DIP2C: variants seen among roughly 807,000 people sequenced by gnomAD.
DIP2C encodes the protein disco-interacting protein 2 homolog C.
A neutral mutation model predicts 192.4 loss-of-function variants in DIP2C; 33 were observed. The observed-to-expected ratio is 0.17, with a 90% CI of 0.13 to 0.23. The LOEUF is 0.23. DIP2C is among the 10% of genes least tolerant of loss of function. The pLI is 1.00. For synonymous variants in DIP2C, 979 were observed against 864.1 expected (o/e 1.13, Z -2.33); for missense variants, 1,537 against 2,110.1 (o/e 0.73, Z 5.32).
intron 1 of DIP2C, among the ~76,000 whole-genome samples, chr10:608,754 G>C (rs541313375): frequency 2.6e-4 from 34 of 129,508 alleles, no homozygotes; most frequent in South Asian, 5.5e-4. Flanking sequence ...ATTCGTACTT[G>C]CATTCAATTC....
intron 9 of DIP2C, among the ~76,000 whole-genome samples, chr10:407,470 C>CA (rs1477013780): frequency 9.2e-5 from 14 of 152,212 alleles, no homozygotes; most frequent in African/African-American, 3.4e-4. Flanking sequence ...TGCTGGATCA[C>CA]ACAGTAATTC....
rs75260280 is a variant in DIP2C, at chr10:282,102, G to A, written c.4295-779C>T. ...TCCGAGATCAGACGAGATTGGGCGCGTTCAGGGTGGTATGGCCGTAGACAG... is the reference window on the plus strand; with the variant it reads ...TCCGAGATCAGACGAGATTGGGCGCATTCAGGGTGGTATGGCCGTAGACAG... On this transcript the variant is annotated intron_variant, in intron 35 of 36. Transcript: ENST00000280886. 195 of 159,724 alleles carry A rather than the reference G, an allele frequency of 1.2e-3. 1 individual carries two copies. In the East Asian group the frequency reaches 0.029, roughly 24 times the overall value. The allele number at this position is 159,724 out of a possible 1,614,324, so 9.9% of individuals were successfully genotyped here. A position where few individuals can be genotyped will look rare whatever the true frequency, so the allele number is the denominator to read the frequency against.
chr10:530,651 CTT>C (rs1481076046), intron 1 of DIP2C, among the ~76,000 whole-genome samples: 2 of 60,160 alleles, frequency 3.3e-5, no homozygotes, highest in Admixed American at 2.0e-4. Context: ...GACCCTATCT[CTT>C]AAAAAAAAAA....
intron 1 of DIP2C, among the ~76,000 whole-genome samples, chr10:543,164 C>A (rs552264117): frequency 6.6e-6 from 1 of 152,216 alleles, no homozygotes; most frequent in Non-Finnish European, 1.5e-5. Context: ...CCAGTCTTCG[C>A]AAGGATCGTG....
chr10:434,425 A>C (rs1967009145), intron 4 of DIP2C, among the ~76,000 whole-genome samples: 1 of 152,100 alleles, frequency 6.6e-6, no homozygotes, highest in Non-Finnish European at 1.5e-5. Flanking sequence ...CTGGGACTAC[A>C]GGTGTCAGCC....
At chr10:619,780 G>A (rs1853743149) in intron 1 of DIP2C, among the ~76,000 whole-genome samples, 1 of 152,154 alleles carries the variant, frequency 6.6e-6, no homozygotes, top group Non-Finnish European at 1.5e-5. Context: ...CCAGGGACCG[G>A]CAGGCTGGGC....
intron 1 of DIP2C, among the ~76,000 whole-genome samples, chr10:633,459 C>T (rs1332416287): frequency 2.6e-5 from 4 of 152,076 alleles, no homozygotes; most frequent in Admixed American, 2.6e-4. Context: ...GAGGTGGTGC[C>T]GTAGAGTGGA....
rs148670760 is a variant in DIP2C, at chr10:373,304, C to A, written c.1992-3671G>T. The stretch of plus-strand genomic sequence containing the variant: ...AACATCACAGTCAAAAGGCAAAGTC[C>A]CTGTTTCTGCTCCAATCCTATGCCC... On this transcript the variant is annotated intron_variant, in intron 17 of 36. Coordinates refer to ENST00000280886, the MANE Select transcript of DIP2C (RefSeq NM_014974.3). Among the ~76,000 whole-genome samples, 338 of 152,268 alleles carry A rather than the reference C, an allele frequency of 2.2e-3. 6 individuals carry two copies. Among genetic ancestry groups the A allele is most frequent in the African/African-American group, 7.2e-3 (301 of 41,554 alleles).
At chr10:532,756 T>TGAGAGAGA (rs1491082245) in intron 1 of DIP2C, among the ~76,000 whole-genome samples, 20 of 134,668 alleles carry the variant, frequency 1.5e-4, no homozygotes, top group East Asian at 4.2e-4. Context: ...AGTATGGGTG[T>TGAGAGAGA]GTGAGAGAGT....
intron 1 of DIP2C, among the ~76,000 whole-genome samples, chr10:537,893 G>A (rs139170921): frequency 2.0e-5 from 3 of 151,596 alleles, no homozygotes; most frequent in Non-Finnish European, 2.9e-5. Context: ...AAGTTCAGGC[G>A]ATTCTCCTGC....
chr10:625,178 T>C (rs1002377427), intron 1 of DIP2C, among the ~76,000 whole-genome samples: 1 of 152,156 alleles, frequency 6.6e-6, no homozygotes, highest in South Asian at 2.1e-4. Context: ...TACAAACAGC[T>C]TGAACTCACT....
chr10:618,340 A>G (rs962036353), intron 1 of DIP2C, among the ~76,000 whole-genome samples: 1 of 152,234 alleles, frequency 6.6e-6, no homozygotes, highest in Non-Finnish European at 1.5e-5. Flanking sequence ...AGAGGCAGAC[A>G]TATCTGCTGA....
At chr10:661,288 T>C (rs1034844658) in intron 1 of DIP2C, among the ~76,000 whole-genome samples, 9 of 152,178 alleles carry the variant, frequency 5.9e-5, no homozygotes, top group African/African-American at 2.2e-4. Context: ...GCCTGCCCCC[T>C]TTCTTCCGTG....
intron 1 of DIP2C, among the ~76,000 whole-genome samples, chr10:609,012 T>C (rs1045071523): frequency 6.6e-6 from 1 of 151,964 alleles, no homozygotes; most frequent in Non-Finnish European, 1.5e-5. Flanking sequence ...AAGAAAACCC[T>C]ATAAGCATGA....
intron 10 of DIP2C, among the ~76,000 whole-genome samples, chr10:398,453 CAT>C (rs1424964576): frequency 6.6e-6 from 1 of 152,196 alleles, no homozygotes; most frequent in Admixed American, 6.5e-5. Flanking sequence ...ACCAAATGAA[CAT>C]ATGTCTTACA....
chr10:397,181 G>A (rs554958793), intron 10 of DIP2C, among the ~76,000 whole-genome samples: 1 of 152,278 alleles, frequency 6.6e-6, no homozygotes, highest in Non-Finnish European at 1.5e-5. Context: ...TGGGCTACCT[G>A]TGATTGTTGC....
At position 328,889 on chromosome 10, in the gene DIP2C, C is replaced by T. The variant is rs556929091; in HGVS notation, c.3753+544G>A. The stretch of plus-strand genomic sequence containing the variant: ...CTACTTAATTTACCATGAAGATATA[C>T]GTATCAAAATGTCCTTGGTTTAAAT... On this transcript the variant is annotated intron_variant, in intron 30 of 36. Coordinates refer to ENST00000280886, the MANE Select transcript of DIP2C (RefSeq NM_014974.3). 8.5e-5 allele frequency among the ~76,000 whole-genome samples: 13 copies of T among 152,270 alleles called. No homozygotes were observed. In the East Asian group the frequency reaches 2.3e-3, roughly 27 times the overall value.
intron 1 of DIP2C, among the ~76,000 whole-genome samples, chr10:670,852 C>T (rs1312036396): frequency 6.6e-6 from 1 of 152,182 alleles, no homozygotes; most frequent in South Asian, 2.1e-4. Flanking sequence ...CCAGTAATGG[C>T]TGGTAATTAA....
Position 364,253 on chromosome 10 carries a change from T to C in DIP2C, c.2477+121A>G, listed in dbSNP as rs186643154. The stretch of plus-strand genomic sequence containing the variant: ...TCAGAGTCCAGTTGCTTCAATAACA[T>C]GGAAGAGGAAACGGAGACACAATAC... On this transcript the variant is annotated intron_variant, in intron 20 of 36. Transcript: ENST00000280886. The C allele has an allele frequency of 3.4e-5, 41 of 1,191,146 alleles. No homozygotes were observed. In the Admixed American group the frequency reaches 9.5e-4, roughly 28 times the overall value. 73.8% of individuals were successfully genotyped at this position (1,191,146 alleles called of 1,614,324 possible).
Sources: gnomAD v4.1 joint callset for allele counts (sites outside exome capture counted in the v4.1 genomes callset) on GRCh38, gnomAD v4.1.1 for gene constraint, MANE v1.5 for transcripts, NCBI Gene and HGNC (gene_info 2026-07-23, HGNC 2026-07-21) for gene names.